The following SRD5A2 variants were observed in gnomAD, a reference collection of about 807,000 sequenced individuals.
SRD5A2 encodes 3-oxo-5-alpha-steroid 4-dehydrogenase 2.
In SRD5A2, 30 loss-of-function variants were observed where a neutral mutation model predicts 27.4. The ratio of observed to expected loss-of-function variants is 1.10; its 90% CI spans 0.82 to 1.49. SRD5A2 has a LOEUF of 1.49. Ranked by LOEUF, SRD5A2 falls within the 40% of genes most tolerant of loss-of-function variation. The pLI is 0.00. For missense variants in SRD5A2, 348 were observed against 323.4 expected (o/e 1.08, Z -0.58); for synonymous variants, 141 against 133.6 (o/e 1.06, Z -0.38).
chr2:31,547,032 A>C (rs1666276634), intron 1 of SRD5A2, among the ~76,000 whole-genome samples: 1 of 152,126 alleles, frequency 6.6e-6, no homozygotes, highest in African/African-American at 2.4e-5. Context: ...TGGGAGGCAG[A>C]GGTTGTGGTG....
chr2:31,602,325 G>T, the SRD5A2 span, among the ~76,000 whole-genome samples: 1 of 151,866 alleles, frequency 6.6e-6, no homozygotes, highest in African/African-American at 2.4e-5. Flanking sequence ...GCCACAAAAA[G>T]AATAAAATGC....
chr2:31,556,243 T>C (rs1423931241), intron 1 of SRD5A2, among the ~76,000 whole-genome samples: 1 of 152,188 alleles, frequency 6.6e-6, no homozygotes, highest in Non-Finnish European at 1.5e-5. Flanking sequence ...GAGAATGGGA[T>C]GTGCAGGCCA....
intron 1 of SRD5A2, among the ~76,000 whole-genome samples, chr2:31,538,580 G>A (rs1666071154): frequency 6.6e-6 from 1 of 152,094 alleles, no homozygotes; most frequent in Non-Finnish European, 1.5e-5. Flanking sequence ...CCTCCTTCAT[G>A]ACTAAATGAA....
chr2:31,551,150 C>CATGT (rs1188057475), intron 1 of SRD5A2, among the ~76,000 whole-genome samples: 1 of 151,962 alleles, frequency 6.6e-6, no homozygotes, highest in Non-Finnish European at 1.5e-5. Context: ...TCTAACCAAA[C>CATGT]ATGTACAAGG....
At chr2:31,580,990 G>A, upstream of SRD5A2, 1 of 1,395,286 alleles carries the variant, frequency 7.2e-7, no homozygotes, top group South Asian at 1.4e-5. Context: ...CGCCACCCGT[G>A]TCCGCCCCCT....
chr2:31,581,130 T>A (rs1393125216), upstream of SRD5A2: 1 of 553,466 alleles, frequency 1.8e-6, no homozygotes, highest in Non-Finnish European at 3.2e-6. Context: ...CCTTCTTAGT[T>A]CGCCCGCCCT....
chr2:31,547,473 G>C lies in SRD5A2; in HGVS notation c.282-13707C>G, dbSNP rs1666285141. Among the ~76,000 whole-genome samples, 7 of 152,166 alleles carry C rather than the reference G, an allele frequency of 4.6e-5. No homozygotes were observed. In the South Asian group the frequency reaches 1.5e-3, roughly 32 times the overall value. On this transcript the variant is annotated intron_variant, in intron 1 of 4. Transcript: ENST00000622030. ...GTGGAGAAGATCTGCCCTCAATGTG[G>C]GTGATGGAATAAAAATGTAAAGGAA...
chr2:31,554,969 ATG>A (rs147090962), intron 1 of SRD5A2, among the ~76,000 whole-genome samples: 3,542 of 98,686 alleles, frequency 0.036, 45 homozygotes, highest in Middle Eastern at 0.045. Context: ...GTGTGTGTGT[ATG>A]TGTGTGTGTG....
rs28383075 is a variant in SRD5A2 at position 31,528,293 on chromosome 2, G to A, written c.698+1014C>T. 7.1e-3 allele frequency among the ~76,000 whole-genome samples: 1,076 copies of A among 152,344 alleles called. 17 individuals carry two copies. Among genetic ancestry groups the A allele is most frequent in the African/African-American group, 0.024 (1,012 of 41,576 alleles). ...TTATAGAGGGTGGGTGTCAGGGAAG[G>A]AAGGCAGTACCAAAATAAACCCTGG... On this transcript the variant is annotated intron_variant, in intron 4 of 4. Transcript: ENST00000622030.
At chr2:31,586,620 A>G in the SRD5A2 span, among the ~76,000 whole-genome samples, 1,583 of 152,340 alleles carry the variant, frequency 0.01, 21 homozygotes, top group South Asian at 0.044. Context: ...CCAGAGAATT[A>G]TCCTGGATCT....
chr2:31,627,853 T>G, the SRD5A2 span, among the ~76,000 whole-genome samples: 1 of 152,276 alleles, frequency 6.6e-6, no homozygotes, highest in African/African-American at 2.4e-5. Context: ...ATGATTTTTT[T>G]GTTGTTTTTT....
intron 1 of SRD5A2, among the ~76,000 whole-genome samples, chr2:31,559,666 G>A (rs1471371996): frequency 1.3e-5 from 2 of 151,976 alleles, no homozygotes; most frequent in Admixed American, 1.3e-4. Flanking sequence ...AAAGAAAAAG[G>A]AGGCAAATGA....
chr2:31,538,993 C>T (rs189795007), intron 1 of SRD5A2, among the ~76,000 whole-genome samples: 25 of 152,300 alleles, frequency 1.6e-4, no homozygotes, highest in Non-Finnish European at 1.0e-4. Context: ...CTATAAGTGG[C>T]ACACATCATA....
intron 1 of SRD5A2, among the ~76,000 whole-genome samples, chr2:31,569,676 AC>A (rs1469039574): frequency 4.5e-4 from 48 of 106,564 alleles, no homozygotes; most frequent in African/African-American, 1.5e-3. Flanking sequence ...AAAACAAAAA[AC>A]AAAAAAAAAA....
the SRD5A2 span, among the ~76,000 whole-genome samples, chr2:31,593,310 A>C: frequency 6.6e-6 from 1 of 152,184 alleles, no homozygotes; most frequent in Non-Finnish European, 1.5e-5. Context: ...TGGATGAAAA[A>C]TTCTTCAGAG....
At chr2:31,577,228 A>C (rs1034108287) in intron 1 of SRD5A2, among the ~76,000 whole-genome samples, 1 of 142,354 alleles carries the variant, frequency 7.0e-6, no homozygotes, top group Non-Finnish European at 1.5e-5. Context: ...CAGTGGGATT[A>C]GGCAATGTGC....
At chr2:31,586,992 A>G in the SRD5A2 span, among the ~76,000 whole-genome samples, 2 of 152,334 alleles carry the variant, frequency 1.3e-5, no homozygotes. Flanking sequence ...AACACATAGG[A>G]GAAATTCAGA....
At chr2:31,561,302 T>C (rs965680120) in intron 1 of SRD5A2, among the ~76,000 whole-genome samples, 1 of 152,144 alleles carries the variant, frequency 6.6e-6, no homozygotes, top group African/African-American at 2.4e-5. Context: ...ACCTAATTAC[T>C]TTCTCTAGTA....
chr2:31,580,282 C>T (rs1667044336), intron 1 of SRD5A2, among the ~76,000 whole-genome samples: 3 of 152,246 alleles, frequency 2.0e-5, no homozygotes. Flanking sequence ...AAGGAACAGT[C>T]CTGTCCAATA....
Sources: gnomAD v4.1 joint callset for allele counts (sites outside exome capture counted in the v4.1 genomes callset) on GRCh38, gnomAD v4.1.1 for gene constraint, MANE v1.5 for transcripts, NCBI Gene and HGNC (gene_info 2026-07-23, HGNC 2026-07-21) for gene names.